TLN2: variants seen among roughly 807,000 people sequenced by gnomAD.
The protein encoded by TLN2 is talin 2.
Under a neutral mutation model 294.7 loss-of-function variants are expected in TLN2, and 118 were observed. The ratio of observed to expected loss-of-function variants is 0.40; its 90% confidence interval spans 0.34 to 0.47. TLN2 has a LOEUF of 0.47. Among genes scored for constraint, TLN2 ranks in the 20% least tolerant of loss-of-function variants. TLN2 has a pLI of 0.84. For missense variants in TLN2, 3,083 were observed against 3,282.2 expected (o/e 0.94, Z 1.48); for synonymous variants, 1,431 against 1,304.5 (o/e 1.10, Z -2.09).
At chr15:62,714,188 C>A (rs975216394) in intron 22 of TLN2, among the ~76,000 whole-genome samples, 2 of 106,368 alleles carry the variant, frequency 1.9e-5, no homozygotes, top group Non-Finnish European at 1.8e-5. Flanking sequence ...CCAATGTGCA[C>A]GTTTTTTTTT....
At chr15:62,740,397 A>G in intron 31 of TLN2, 1 of 488,520 alleles carries the variant, frequency 2.0e-6, no homozygotes, top group South Asian at 3.0e-5. Flanking sequence ...TGGCTGACCC[A>G]CTTGGGGATG....
At position 62,584,445 on chromosome 15, in the gene TLN2, G is replaced by A. The variant is rs868076586; in HGVS notation, c.-237-5242G>A. Among the ~76,000 whole-genome samples, 5 of 152,296 alleles carry A rather than the reference G, an allele frequency of 3.3e-5. No individual in the cohort carries two copies. In the Middle Eastern group the frequency reaches 0.01, roughly 311 times the overall value. ...TCTCTTTGTCCTGCAAAAAGGCAACGTAGCATATTGTCATCTCTGAGGTCC... is the reference window on the plus strand; with the variant it reads ...TCTCTTTGTCCTGCAAAAAGGCAACATAGCATATTGTCATCTCTGAGGTCC... On this transcript the variant is annotated intron_variant, in intron 1 of 58. Coordinates refer to ENST00000636159, the MANE Select transcript of TLN2 (RefSeq NM_015059.3).
At chr15:62,575,413 G>A (rs181049836) in intron 1 of TLN2, among the ~76,000 whole-genome samples, 4 of 152,122 alleles carry the variant, frequency 2.6e-5, no homozygotes, top group Non-Finnish European at 4.4e-5. Context: ...ATACAGGCAC[G>A]TTTTAAAAAA....
chr15:62,504,577 T>C (rs2140437214), intron 1 of TLN2, among the ~76,000 whole-genome samples: 1 of 152,306 alleles, frequency 6.6e-6, no homozygotes, highest in East Asian at 1.9e-4. Flanking sequence ...CAATGGAGAA[T>C]GGATGGGCTT....
At chr15:62,778,038 T>C (rs2063841594) in intron 43 of TLN2, among the ~76,000 whole-genome samples, 1 of 152,268 alleles carries the variant, frequency 6.6e-6, no homozygotes, top group Admixed American at 6.5e-5. Flanking sequence ...AATAAGGTTT[T>C]TCAGGATAAT....
chr15:62,818,386 A>C (rs2067283598), intron 52 of TLN2, among the ~76,000 whole-genome samples: 1 of 152,218 alleles, frequency 6.6e-6, no homozygotes, highest in South Asian at 2.1e-4. Context: ...TGGAAGAAGA[A>C]TTTCAACATG....
At chr15:62,485,816 C>T (rs760493697) in intron 1 of TLN2, among the ~76,000 whole-genome samples, 6 of 152,092 alleles carry the variant, frequency 3.9e-5, no homozygotes, top group Non-Finnish European at 8.8e-5. Flanking sequence ...AGTTTGGATG[C>T]GTGTCCAGTT....
chr15:62,604,187 A>G (rs2047224071), intron 2 of TLN2, among the ~76,000 whole-genome samples: 1 of 152,136 alleles, frequency 6.6e-6, no homozygotes, highest in African/African-American at 2.4e-5. Context: ...TTCGGGAGCC[A>G]TAGAAAATTC....
At chr15:62,775,653 C>T (rs1341565801) in intron 42 of TLN2, among the ~76,000 whole-genome samples, 2 of 152,218 alleles carry the variant, frequency 1.3e-5, no homozygotes, top group Non-Finnish European at 2.9e-5. Context: ...GAAAATCACC[C>T]AACGAGTTCT....
At chr15:62,664,198 A>T (rs976491586) in intron 9 of TLN2, among the ~76,000 whole-genome samples, 3 of 147,212 alleles carry the variant, frequency 2.0e-5, no homozygotes, top group African/African-American at 7.5e-5. Context: ...ATACTCCAAG[A>T]TCAGATTAAT....
Position 62,771,019 on chromosome 15 carries a change from C to T in TLN2, c.5252C>T (p.Ala1751Val), listed in dbSNP as rs149940780. 1.1e-4 allele frequency: 179 copies of T among 1,611,362 alleles called. No individual in the cohort carries two copies. Among genetic ancestry groups the T allele is most frequent in the African/African-American group, 1.4e-4 (10 of 74,062 alleles). Reference sequence around the variant, plus strand: ...TTGATCTTAGCCGCAGTTGGTGTGGCCTCCAAGATTCTTGATCATCAGCAG... The same window carrying T: ...TTGATCTTAGCCGCAGTTGGTGTGGTCTCCAAGATTCTTGATCATCAGCAG... ...EPLILAAVGV[A>V]SKILDHQQQM... The change falls in exon 42 of 59, where the codon GCC becomes GTC. Residue 1751 changes from alanine (A) to valine (V), a missense_variant. Coordinates refer to ENST00000636159, the MANE Select transcript of TLN2 (RefSeq NM_015059.3).
intron 1 of TLN2, among the ~76,000 whole-genome samples, chr15:62,513,866 G>A (rs1037045747): frequency 5.9e-5 from 9 of 152,196 alleles, no homozygotes; most frequent in African/African-American, 2.2e-4. Flanking sequence ...TGGTGTAAAA[G>A]CCTGTAGCCT....
chr15:62,517,555 A>G (rs935240480), intron 1 of TLN2, among the ~76,000 whole-genome samples: 5 of 152,230 alleles, frequency 3.3e-5, no homozygotes, highest in African/African-American at 1.2e-4. Flanking sequence ...CTGAATAATT[A>G]TTCCACACCC....
intron 1 of TLN2, among the ~76,000 whole-genome samples, chr15:62,406,094 G>A (rs1367539171): frequency 6.6e-6 from 1 of 152,132 alleles, no homozygotes; most frequent in Non-Finnish European, 1.5e-5. Flanking sequence ...CTCTTGAATT[G>A]GAAGCTGACG....
At chr15:62,575,760 C>A (rs755168395) in intron 1 of TLN2, among the ~76,000 whole-genome samples, 11 of 152,196 alleles carry the variant, frequency 7.2e-5, no homozygotes, top group Non-Finnish European at 1.5e-4. Flanking sequence ...TATCAGTGTT[C>A]AAGCTATAGT....
chr15:62,532,585 C>A (rs2041108360), intron 1 of TLN2, among the ~76,000 whole-genome samples: 1 of 152,188 alleles, frequency 6.6e-6, no homozygotes, highest in Non-Finnish European at 1.5e-5. Context: ...CCCTGCAATA[C>A]CCTTGCAAGA....
intron 35 of TLN2, 133 bp from the exon 36 acceptor site, chr15:62,753,640 G>T (rs1332018424): frequency 2.8e-6 from 3 of 1,056,698 alleles, no homozygotes; most frequent in Non-Finnish European, 4.0e-6. Flanking sequence ...TGAGCGGGAT[G>T]AGATGACCTT....
At position 62,753,930 on chromosome 15, in the gene TLN2, AG is replaced by A; in HGVS notation, c.4476+16del. ...AGCCCATCACAGGTAACTGTTGGGG[AG>A]GATGTAAGATTTCAAGCCCTTAAGC... On this transcript the variant is annotated intron_variant, in intron 36 of 58. Transcript: ENST00000636159. 6.4e-7 allele frequency: 1 copy of A among 1,566,464 alleles called. No homozygotes were observed. Among genetic ancestry groups the A allele is most frequent in the Non-Finnish European group, 8.7e-7 (1 of 1,154,802 alleles).
At chr15:62,779,986 C>T (rs1189577982) in intron 43 of TLN2, among the ~76,000 whole-genome samples, 1 of 152,170 alleles carries the variant, frequency 6.6e-6, no homozygotes, top group Non-Finnish European at 1.5e-5. Flanking sequence ...ACCACTTGGC[C>T]CCAATCTCAT....
Sources: allele counts gnomAD v4.1 joint callset (sites outside exome capture counted in the v4.1 genomes callset), GRCh38; gene constraint gnomAD v4.1.1; transcripts MANE v1.5; gene names NCBI Gene and HGNC (gene_info 2026-07-23, HGNC 2026-07-21).